YARS1: variants seen among roughly 807,000 people sequenced by gnomAD.
The protein encoded by YARS1 is tyrosyl-tRNA synthetase 1.
In YARS1, 36 loss-of-function variants were observed where a neutral mutation model predicts 62.2. That is an observed-to-expected ratio of 0.58 (90% confidence interval 0.44 to 0.76). YARS1 has a LOEUF of 0.76. YARS1 is among the 30% of genes least tolerant of loss of function. The pLI, the probability that YARS1 is intolerant of heterozygous loss-of-function variation, is 0.00. For missense variants in YARS1, 524 were observed against 639.8 expected, an observed-to-expected ratio of 0.82 and a Z score of 1.95; for synonymous variants, 234 against 244.9, an observed-to-expected ratio of 0.96 and a Z score of 0.42.
rs146433681 is a variant in YARS1, at chr1:32,814,249, C to A, written c.57+2939G>T. 9.2e-4 allele frequency among the ~76,000 whole-genome samples: 140 copies of A among 152,042 alleles called. 1 individual carries two copies. The highest frequency in any genetic ancestry group is 3.2e-3 in the African/African-American group (135 of 41,552). On this transcript the variant is annotated intron_variant, in intron 1 of 12. Coordinates refer to ENST00000373477, the MANE Select transcript of YARS1 (RefSeq NM_003680.4). ...ACCATCATTTAGAGTTGTTCAAGGA[C>A]TCCAAAACTGCTCTTCAACCCTCCT...
intron 5 of YARS1, 71 bp downstream of exon 5, chr1:32,797,692 T>C: frequency 3.1e-6 from 4 of 1,304,700 alleles, no homozygotes; most frequent in Non-Finnish European, 4.5e-6. Flanking sequence ...GACTGACACA[T>C]CATAGTTCAA....
chr1:32,782,903 G>C (rs1209985436), intron 8 of YARS1: 1 of 278,252 alleles, frequency 3.6e-6, no homozygotes, highest in Non-Finnish European at 7.0e-6. Context: ...GAGGGAGACA[G>C]CTGAGTAAGA....
At chr1:32,808,822 T>A (rs1318851006) in intron 3 of YARS1, among the ~76,000 whole-genome samples, 4 of 152,236 alleles carry the variant, frequency 2.6e-5, no homozygotes, top group Non-Finnish European at 5.9e-5. Context: ...GCCTGCCTGC[T>A]TTGTTTCAGC....
At chr1:32,794,272 C>T (rs1653502773) in intron 5 of YARS1, among the ~76,000 whole-genome samples, 1 of 152,034 alleles carries the variant, frequency 6.6e-6, no homozygotes, top group Non-Finnish European at 1.5e-5. Context: ...ATCCCTTGAA[C>T]CAGGGAGACG....
chr1:32,790,165 G>A (rs527251437), intron 6 of YARS1, among the ~76,000 whole-genome samples: 3 of 146,042 alleles, frequency 2.1e-5, no homozygotes, highest in Admixed American at 6.8e-5. Context: ...TTACAGGCGT[G>A]AGCCACCACG....
chr1:32,810,285 A>G (rs988723574), intron 3 of YARS1, among the ~76,000 whole-genome samples: 69 of 152,270 alleles, frequency 4.5e-4, no homozygotes, highest in African/African-American at 1.7e-3. Context: ...CTGGAAGAGA[A>G]AGGGAGGCTG....
intron 4 of YARS1, chr1:32,798,152 G>C (rs570179460): frequency 2.7e-6 from 1 of 374,054 alleles, no homozygotes; most frequent in African/African-American, 2.1e-5. Flanking sequence ...GATTACAGGC[G>C]AGAGCCACCA....
intron 5 of YARS1, among the ~76,000 whole-genome samples, chr1:32,794,207 G>C (rs1029689570): frequency 6.6e-6 from 1 of 151,924 alleles, no homozygotes; most frequent in Non-Finnish European, 1.5e-5. Flanking sequence ...AAAATTAGCC[G>C]GGCGTGGTGG....
intron 6 of YARS1, among the ~76,000 whole-genome samples, chr1:32,788,084 G>A (rs545235631): frequency 2.6e-5 from 4 of 152,250 alleles, no homozygotes; most frequent in African/African-American, 9.6e-5. Context: ...CTCCAGCCTG[G>A]GCGACAGTGA....
rs900143356 is a variant in YARS1, at chr1:32,784,729, TATACACAC to T, written c.906+1625_906+1632del. On this transcript the variant is annotated intron_variant, in intron 8 of 12. Transcript: ENST00000373477. ...ATATTTTCACACATATATTCACATA[TATACACAC>T]ATACACACATATGTTAAAAAACACA... Among the ~76,000 whole-genome samples, 19 of 152,178 alleles carry T rather than the reference TATACACAC, an allele frequency of 1.2e-4. No individual in the cohort carries two copies. In the South Asian group the frequency reaches 2.7e-3, roughly 22 times the overall value.
intron 4 of YARS1, among the ~76,000 whole-genome samples, chr1:32,805,324 A>C (rs1388069513): frequency 1.4e-5 from 2 of 146,816 alleles, no homozygotes; most frequent in African/African-American, 2.6e-5. Flanking sequence ...TATGTTATGG[A>C]GATGGCTTTT....
intron 5 of YARS1, among the ~76,000 whole-genome samples, chr1:32,797,111 C>T (rs1352348668): frequency 7.2e-6 from 1 of 137,932 alleles, no homozygotes; most frequent in Non-Finnish European, 1.5e-5. Flanking sequence ...GTGGATCTCA[C>T]CTATAATCCC....
In YARS1 at chr1:32,776,161, A is replaced by AG. The variant is rs954353888; in HGVS notation, c.1477-71dup. On this transcript the variant is annotated intron_variant, in intron 12 of 12. Coordinates refer to ENST00000373477, the MANE Select transcript of YARS1 (RefSeq NM_003680.4). The surrounding 1 kb of genome is among the most constrained non-coding windows in gnomAD (Gnocchi z 4.0). ...TGCAAGAAAACCCCCCCTTTTTTGG[A>AG]GGGGGGGCAGAGTTTTGCTCTTGTT... is the stretch of plus-strand genomic sequence containing the variant. 2.3e-5 allele frequency: 30 copies of AG among 1,320,320 alleles called. No individual in the cohort carries two copies. Among genetic ancestry groups the AG allele is most frequent in the South Asian group, 3.7e-5 (3 of 80,284 alleles). 81.8% of individuals were successfully genotyped at this position (1,320,320 alleles called of 1,614,324 possible).
intron 4 of YARS1, among the ~76,000 whole-genome samples, chr1:32,804,095 T>C (rs1638379270): frequency 6.6e-6 from 1 of 152,236 alleles, no homozygotes; most frequent in Non-Finnish European, 1.5e-5. Flanking sequence ...GGCAGAAGAA[T>C]TTTTCTTAGT....
chr1:32,812,956 G>A (rs929277789), intron 1 of YARS1, among the ~76,000 whole-genome samples: 1 of 126,346 alleles, frequency 7.9e-6, no homozygotes, highest in Non-Finnish European at 1.6e-5. Flanking sequence ...CAACAAGAAC[G>A]ACACTCTGTC....
In YARS1 at chr1:32,809,211, C is replaced by T. The variant is rs965610219; in HGVS notation, c.380+1380G>A. Among the ~76,000 whole-genome samples the T allele has an allele frequency of 2.6e-5, 4 of 151,966 alleles. No individual in the cohort carries two copies. The East Asian group carries it at 5.8e-4, about 22-fold the overall frequency. ...AAGTGATTCTCATGCCTCAGCCTCC[C>T]GAGTAGCCGTGATTACAGGTGTATG... On this transcript the variant is annotated intron_variant, in intron 3 of 12. Coordinates refer to ENST00000373477, the MANE Select transcript of YARS1 (RefSeq NM_003680.4).
At chr1:32,780,526 A>C in intron 10 of YARS1, 1 of 551,500 alleles carries the variant, frequency 1.8e-6, no homozygotes. Context: ...AGGTGGAAGG[A>C]TCTCTAAGCC....
chr1:32,781,162 C>A lies in YARS1; in HGVS notation c.1043-17G>T. 6.2e-7 allele frequency: 1 copy of A among 1,604,504 alleles called. No individual in the cohort carries two copies. On this transcript the variant is annotated splice_polypyrimidine_tract_variant and intron_variant, in intron 9 of 12. Transcript: ENST00000373477. ...CCATTGGCTCTGGGAATGAGAAGAACCCCATGAGGTAGAATTCTTCCCTGT... is the reference window on the plus strand; with the variant it reads ...CCATTGGCTCTGGGAATGAGAAGAAACCCATGAGGTAGAATTCTTCCCTGT...
At chr1:32,781,980 ATTTTTT>A (rs772679724) in intron 9 of YARS1, 2 of 144,298 alleles carry the variant, frequency 1.4e-5, no homozygotes, top group Non-Finnish European at 2.9e-5. Flanking sequence ...TGCCTGGCTA[ATTTTTT>A]TTTTTTTTTT....
Sources: allele counts gnomAD v4.1 joint callset (sites outside exome capture counted in the v4.1 genomes callset), GRCh38; gene constraint gnomAD v4.1.1; non-coding constraint Gnocchi (gnomAD v3.1); transcripts MANE v1.5; gene names NCBI Gene and HGNC (gene_info 2026-07-23, HGNC 2026-07-21).